The following CNIH3 variants were observed in gnomAD, a reference collection of about 807,000 sequenced individuals.
CNIH3 encodes protein cornichon homolog 3.
CNIH3 carries 14 observed loss-of-function variants against 24.1 expected under a neutral mutation model. The ratio of observed to expected loss-of-function variants is 0.58; its 90% confidence interval spans 0.38 to 0.91. CNIH3 has a LOEUF of 0.91. Among genes scored for constraint, CNIH3 ranks in the 40% least tolerant of loss-of-function variants. The probability of loss-of-function intolerance (pLI) is 0.00; values close to 1 mark genes in which losing one functional copy is unlikely to be tolerated. For missense variants in CNIH3, 178 were observed against 196.8 expected, an observed-to-expected ratio of 0.90 and a Z score of 0.57; for synonymous variants, 68 against 73.8, an observed-to-expected ratio of 0.92 and a Z score of 0.40.
chr1:224,434,970 A>G (rs1674579732), intron 1 of CNIH3: 1 of 985,390 alleles, frequency 1.0e-6, no homozygotes, highest in South Asian at 4.7e-5. Flanking sequence ...GACCCCATCC[A>G]CGACCCCGAC....
At chr1:224,707,302 A>G (rs1687873086) in intron 3 of CNIH3, among the ~76,000 whole-genome samples, 1 of 152,172 alleles carries the variant, frequency 6.6e-6, no homozygotes, top group Non-Finnish European at 1.5e-5. Context: ...TTTTAATCAA[A>G]GTTTAAGCAC....
intron 2 of CNIH3, among the ~76,000 whole-genome samples, chr1:224,530,451 C>T (rs1383982202): frequency 1.3e-5 from 2 of 152,086 alleles, no homozygotes; most frequent in Non-Finnish European, 2.9e-5. Flanking sequence ...CACTTTCATG[C>T]ACAGCATTAC....
chr1:224,728,891 G>A (rs16853130), intron 3 of CNIH3, among the ~76,000 whole-genome samples: 51,125 of 152,124 alleles, frequency 0.34, 9,168 homozygotes, highest in African/African-American at 0.47. Flanking sequence ...GTACAAAGGC[G>A]CTTTGCAAAT....
intron 4 of CNIH3, among the ~76,000 whole-genome samples, chr1:224,569,533 G>A (rs189885030): frequency 1.8e-4 from 28 of 152,242 alleles, no homozygotes; most frequent in East Asian, 1.4e-3. Flanking sequence ...GAGCTCTAGG[G>A]TATAATCCTG....
intron 3 of CNIH3, among the ~76,000 whole-genome samples, chr1:224,690,032 C>T (rs1421140579): frequency 6.6e-6 from 1 of 152,016 alleles, no homozygotes; most frequent in East Asian, 1.9e-4. Context: ...GAGGCTGACT[C>T]CTGTTGCATC....
intron 3 of CNIH3, among the ~76,000 whole-genome samples, chr1:224,713,943 T>C (rs1688293196): frequency 6.6e-6 from 1 of 152,074 alleles, no homozygotes. Context: ...GCCTCCCGAG[T>C]AGCTGGGACT....
At chr1:224,677,539 G>A (rs1686197897) in intron 1 of CNIH3, among the ~76,000 whole-genome samples, 1 of 152,222 alleles carries the variant, frequency 6.6e-6, no homozygotes, top group East Asian at 1.9e-4. Flanking sequence ...CACCCATGAA[G>A]GACCTCTTAT....
At chr1:224,574,762 T>C (rs1680964536) in intron 4 of CNIH3, 1 of 1,129,468 alleles carries the variant, frequency 8.9e-7, no homozygotes, top group Admixed American at 1.7e-5. Flanking sequence ...CTCTACCTTA[T>C]TCGCTGGCCA....
intron 3 of CNIH3, among the ~76,000 whole-genome samples, chr1:224,698,994 G>A (rs1387202693): frequency 1.0e-5 from 1 of 95,886 alleles, no homozygotes; most frequent in South Asian, 4.0e-4. Context: ...AGGTCACTTA[G>A]TAAGTGCAGG....
At chr1:224,723,066 G>A (rs1688818498) in intron 3 of CNIH3, among the ~76,000 whole-genome samples, 2 of 152,218 alleles carry the variant, frequency 1.3e-5, no homozygotes, top group Non-Finnish European at 2.9e-5. Flanking sequence ...TGACGGTGGG[G>A]CTAGAGGTGC....
At chr1:224,720,586 T>G (rs1688669561) in intron 3 of CNIH3, among the ~76,000 whole-genome samples, 1 of 152,158 alleles carries the variant, frequency 6.6e-6, no homozygotes, top group African/African-American at 2.4e-5. Flanking sequence ...CTCTCAGCTG[T>G]GCTAAATTCC....
At chr1:224,662,098 A>G (rs573408122) in intron 1 of CNIH3, among the ~76,000 whole-genome samples, 5 of 152,364 alleles carry the variant, frequency 3.3e-5, no homozygotes, top group African/African-American at 1.2e-4. Context: ...AGGTAAGAAC[A>G]TTCCATAATT....
At position 224,703,176 on chromosome 1, in the gene CNIH3, TGGAG is replaced by T. The variant is rs1687594815; in HGVS notation, c.198+18336_198+18339del. Among the ~76,000 whole-genome samples the T allele has an allele frequency of 6.6e-6, 1 of 152,100 alleles. No homozygotes were observed. The highest frequency in any genetic ancestry group is 1.5e-5 in the Non-Finnish European group (1 of 68,024). ...TGGTCAAAACCTTTTTTCTACCTGT[TGGAG>T]GGGCCAGATTTTGAGGAGCCAGTGA... On this transcript the variant is annotated intron_variant, in intron 3 of 5. Coordinates refer to ENST00000272133, the MANE Select transcript of CNIH3 (RefSeq NM_152495.2). This position sits in a 1 kb window ranked among gnomAD's most constrained non-coding sequence, Gnocchi z 4.2.
intron 2 of CNIH3, among the ~76,000 whole-genome samples, chr1:224,531,776 G>A (rs1338120594): frequency 6.6e-6 from 1 of 152,178 alleles, no homozygotes; most frequent in Non-Finnish European, 1.5e-5. Context: ...TGACTGAGGT[G>A]GGCAGCTGGA....
intron 4 of CNIH3, among the ~76,000 whole-genome samples, chr1:224,569,807 C>G (rs1301081544): frequency 6.6e-6 from 1 of 151,488 alleles, no homozygotes; most frequent in Admixed American, 6.6e-5. Context: ...TTTTTTTAGA[C>G]AGAGTCTGCT....
At chr1:224,475,134 G>A (rs1303987409) in intron 1 of CNIH3, among the ~76,000 whole-genome samples, 3 of 149,252 alleles carry the variant, frequency 2.0e-5, no homozygotes, top group Non-Finnish European at 4.5e-5. Context: ...AGAGGCGGGC[G>A]GATCACGGTC....
chr1:224,732,459 C>T (rs946985568), intron 4 of CNIH3, among the ~76,000 whole-genome samples: 5 of 152,210 alleles, frequency 3.3e-5, no homozygotes, highest in African/African-American at 1.2e-4. Context: ...GGATTCACAA[C>T]AACCAAGTGA....
chr1:224,486,548 CACAT>C (rs1677038506), intron 1 of CNIH3, among the ~76,000 whole-genome samples: 7 of 152,122 alleles, frequency 4.6e-5, no homozygotes, highest in Admixed American at 4.6e-4. Context: ...CCTGTATACA[CACAT>C]ACACTTATAT....
chr1:224,447,012 A>G (rs1283516402), intron 1 of CNIH3, among the ~76,000 whole-genome samples: 2 of 152,194 alleles, frequency 1.3e-5, no homozygotes, highest in Non-Finnish European at 2.9e-5. Context: ...GGCTGCAAGT[A>G]AAAATGTAAA....
Sources: allele counts gnomAD v4.1 joint callset (sites outside exome capture counted in the v4.1 genomes callset), GRCh38; gene constraint gnomAD v4.1.1; non-coding constraint Gnocchi (gnomAD v3.1); transcripts MANE v1.5; gene names NCBI Gene and HGNC (gene_info 2026-07-23, HGNC 2026-07-21).